MSRA: variants seen among roughly 807,000 people sequenced by gnomAD.
MSRA encodes the protein methionine sulfoxide reductase A, also known as mitochondrial peptide methionine sulfoxide reductase.
In MSRA, 54 loss-of-function variants were observed where a neutral mutation model predicts 31.3. The ratio of observed to expected loss-of-function variants is 1.73; its 90% confidence interval spans 1.39 to 2.17. The LOEUF (loss-of-function observed/expected upper bound fraction) is 2.17. Ranked by LOEUF, MSRA falls within the 30% of genes most tolerant of loss-of-function variation. The pLI, the probability that MSRA is intolerant of heterozygous loss-of-function variation, is 0.00. For synonymous variants in MSRA, 169 were observed against 116.5 expected (o/e 1.45, Z -2.90); for missense variants, 507 against 300.9 (o/e 1.69, Z -5.07).
chr8:10,236,335 C>A (rs992423334), intron 2 of MSRA, among the ~76,000 whole-genome samples: 3 of 152,118 alleles, frequency 2.0e-5, no homozygotes, highest in African/African-American at 7.2e-5. Flanking sequence ...CAGAATATAA[C>A]TTTCTGTATA....
intron 1 of MSRA, among the ~76,000 whole-genome samples, chr8:10,201,225 A>G (rs1808470030): frequency 6.6e-6 from 1 of 152,054 alleles, no homozygotes; most frequent in Non-Finnish European, 1.5e-5. Context: ...TGGATTAGTC[A>G]GTAGAAACAC....
At chr8:10,062,683 A>G in intron 1 of MSRA, among the ~76,000 whole-genome samples, 1 of 152,240 alleles carries the variant, frequency 6.6e-6, no homozygotes, top group East Asian at 1.9e-4. Context: ...TGAAGGGTAC[A>G]GGAAGCATCG....
At chr8:10,218,388 A>G (rs1810192657) in intron 2 of MSRA, among the ~76,000 whole-genome samples, 1 of 151,774 alleles carries the variant, frequency 6.6e-6, no homozygotes, top group Non-Finnish European at 1.5e-5. Context: ...CAGGCGATCC[A>G]CCCGTCTCAG....
chr8:10,176,436 G>A (rs914576864), intron 1 of MSRA, among the ~76,000 whole-genome samples: 2 of 152,206 alleles, frequency 1.3e-5, no homozygotes, highest in East Asian at 1.9e-4. Context: ...TGGACTTTGT[G>A]TGGTGCCAGG....
At chr8:10,074,752 G>C (rs906040016) in intron 1 of MSRA, among the ~76,000 whole-genome samples, 2 of 151,984 alleles carry the variant, frequency 1.3e-5, no homozygotes, top group Middle Eastern at 3.2e-3. Flanking sequence ...TCTGCCTCCT[G>C]GGTTCAAGTG....
chr8:10,152,225 GTA>G (rs1239985878), intron 1 of MSRA, among the ~76,000 whole-genome samples: 1 of 152,162 alleles, frequency 6.6e-6, no homozygotes, highest in African/African-American at 2.4e-5. Context: ...GCAAATATAT[GTA>G]TATGTGTGTA....
At chr8:10,385,906 G>A (rs192943244) in intron 5 of MSRA, among the ~76,000 whole-genome samples, 421 of 152,220 alleles carry the variant, frequency 2.8e-3, no homozygotes, top group Non-Finnish European at 4.1e-3. Flanking sequence ...CCAAGAATAC[G>A]TCGTGACAGA....
intron 5 of MSRA, among the ~76,000 whole-genome samples, chr8:10,419,559 C>G (rs1235291025): frequency 6.6e-6 from 1 of 152,192 alleles, no homozygotes; most frequent in African/African-American, 2.4e-5. Flanking sequence ...TGCAATCCGT[C>G]TCTGCCCCAT....
At chr8:10,203,861 T>C (rs1262298605) in intron 1 of MSRA, among the ~76,000 whole-genome samples, 2 of 152,154 alleles carry the variant, frequency 1.3e-5, no homozygotes, top group Non-Finnish European at 2.9e-5. Flanking sequence ...TGGGACGAGA[T>C]GTGGAGGGTG....
chr8:10,158,852 G>T (rs1312223589), intron 1 of MSRA, among the ~76,000 whole-genome samples: 1 of 152,222 alleles, frequency 6.6e-6, no homozygotes, highest in Admixed American at 6.5e-5. Flanking sequence ...CCCACCTGCA[G>T]AGGATTCCAG....
At chr8:10,313,080 C>G (rs1801522911) in intron 4 of MSRA, among the ~76,000 whole-genome samples, 1 of 152,126 alleles carries the variant, frequency 6.6e-6, no homozygotes, top group Non-Finnish European at 1.5e-5. Flanking sequence ...TTATCTTTCC[C>G]CAGCCGGACA....
chr8:10,106,472 A>C (rs1415207749), intron 1 of MSRA, among the ~76,000 whole-genome samples: 3 of 152,194 alleles, frequency 2.0e-5, no homozygotes, highest in Non-Finnish European at 4.4e-5. Context: ...TTCAATAAAG[A>C]GTATATGAAA....
chr8:10,133,429 C>T (rs935438406), intron 1 of MSRA, among the ~76,000 whole-genome samples: 1 of 152,264 alleles, frequency 6.6e-6, no homozygotes, highest in Middle Eastern at 3.4e-3. Context: ...AGTGCTTCAG[C>T]GACAAGGACC....
At chr8:10,091,990 A>G (rs1312975867) in intron 1 of MSRA, among the ~76,000 whole-genome samples, 1 of 152,114 alleles carries the variant, frequency 6.6e-6, no homozygotes. Flanking sequence ...TCAATGGTGT[A>G]GATGGTTCCC....
chr8:10,213,506 G>A (rs139707485), intron 2 of MSRA, among the ~76,000 whole-genome samples: 83 of 138,336 alleles, frequency 6.0e-4, no homozygotes, highest in African/African-American at 2.2e-3. Flanking sequence ...ACGCGACCTC[G>A]GCTCACTGCA....
chr8:10,084,620 T>C (rs1034978432), intron 1 of MSRA, among the ~76,000 whole-genome samples: 28 of 152,236 alleles, frequency 1.8e-4, no homozygotes, highest in African/African-American at 6.8e-4. Context: ...TTAAGGTCTC[T>C]GTGCCTTAGT....
intron 5 of MSRA, among the ~76,000 whole-genome samples, chr8:10,374,608 C>T (rs1805656498): frequency 6.6e-6 from 1 of 152,204 alleles, no homozygotes; most frequent in South Asian, 2.1e-4. Flanking sequence ...TCTATATTAG[C>T]AGGAGGTAGG....
Position 10,426,522 on chromosome 8 carries a change from C to T in MSRA, c.544-1626C>T, listed in dbSNP as rs574793227. On this transcript the variant is annotated intron_variant, in intron 5 of 5. Coordinates refer to ENST00000317173, the MANE Select transcript of MSRA (RefSeq NM_012331.5). ...CCTGCGCTCATCCTCACAGCTGCGC[C>T]CTGCAAAGAATAGCTTCTTCTTTTA... Among the ~76,000 whole-genome samples the T allele has an allele frequency of 5.9e-5, 9 of 152,328 alleles. 1 individual carries two copies. Among genetic ancestry groups the T allele is most frequent in the African/African-American group, 2.2e-4 (9 of 41,586 alleles).
At chr8:10,404,456 C>T (rs915831811) in intron 5 of MSRA, among the ~76,000 whole-genome samples, 5 of 152,244 alleles carry the variant, frequency 3.3e-5, no homozygotes, top group South Asian at 4.1e-4. Flanking sequence ...CCATCACGCC[C>T]GCCCACGTGG....
Sources: gnomAD v4.1 joint callset for allele counts (sites outside exome capture counted in the v4.1 genomes callset) on GRCh38, gnomAD v4.1.1 for gene constraint, MANE v1.5 for transcripts, NCBI Gene and HGNC (gene_info 2026-07-23, HGNC 2026-07-21) for gene names.